CUBN: variants seen among roughly 807,000 people sequenced by gnomAD.
The protein encoded by CUBN is cubilin.
Under a neutral mutation model 405.3 loss-of-function variants are expected in CUBN, and 282 were observed. The observed-to-expected ratio is 0.70, with a 90% CI of 0.63 to 0.77. The LOEUF (loss-of-function observed/expected upper bound fraction) is 0.77. Ranked by LOEUF, CUBN falls within the 30% of genes least tolerant of loss-of-function variation. The pLI is 0.00. For missense variants in CUBN, 4,514 were observed against 4,475.2 expected, an observed-to-expected ratio of 1.01 and a Z score of -0.25; for synonymous variants, 1,684 against 1,617.0, an observed-to-expected ratio of 1.04 and a Z score of -0.99.
intron 34 of CUBN, 39 bp downstream of exon 34, chr10:16,949,962 G>T (rs1842884993): frequency 6.9e-7 from 1 of 1,451,562 alleles, no homozygotes; most frequent in Non-Finnish European, 9.7e-7. Flanking sequence ...ATAAAGCACA[G>T]CCAAGACCAC....
intron 57 of CUBN, 133 bp from the exon 58 acceptor site, chr10:16,874,636 A>G (rs1840449910): frequency 1.9e-6 from 2 of 1,059,886 alleles, no homozygotes; most frequent in Non-Finnish European, 2.8e-6. Context: ...AAAGTGACTT[A>G]TATCTCCCTT....
intron 59 of CUBN, among the ~76,000 whole-genome samples, chr10:16,863,219 G>C (rs1444003840): frequency 2.0e-5 from 3 of 152,110 alleles, no homozygotes; most frequent in South Asian, 2.1e-4. Flanking sequence ...TTGTCTTTAG[G>C]ATCATCCCCC....
At chr10:17,100,911 A>G (rs1411425368) in intron 13 of CUBN, among the ~76,000 whole-genome samples, 1 of 152,230 alleles carries the variant, frequency 6.6e-6, no homozygotes, top group Non-Finnish European at 1.5e-5. Flanking sequence ...GCATACAAGT[A>G]GAAGAGAATA....
At chr10:17,005,813 T>A (rs1428982270) in intron 28 of CUBN, among the ~76,000 whole-genome samples, 1 of 152,190 alleles carries the variant, frequency 6.6e-6, no homozygotes, top group Non-Finnish European at 1.5e-5. Flanking sequence ...AAAATTCATA[T>A]GTTGAAGTTC....
At chr10:16,928,519 A>ACCC (rs1564428886) in intron 40 of CUBN, among the ~76,000 whole-genome samples, 1 of 84,046 alleles carries the variant, frequency 1.2e-5, no homozygotes, top group African/African-American at 4.4e-5. Flanking sequence ...CCCCCACCCC[A>ACCC]CCCCACCCCC....
At chr10:17,000,956 G>C (rs564130140) in intron 28 of CUBN, among the ~76,000 whole-genome samples, 24 of 152,322 alleles carry the variant, frequency 1.6e-4, no homozygotes, top group Admixed American at 5.9e-4. Context: ...AACAGTGAGT[G>C]TTACAGTTCT....
chr10:17,092,499 G>T (rs1367709393), intron 14 of CUBN, among the ~76,000 whole-genome samples: 2 of 152,108 alleles, frequency 1.3e-5, no homozygotes, highest in Non-Finnish European at 2.9e-5. Context: ...CAAGATACAG[G>T]TCGCAAAGAC....
chr10:16,908,872 C>CTTTTT lies in CUBN; in HGVS notation c.7534-1198_7534-1194dup, dbSNP rs35736503. Among the ~76,000 whole-genome samples the CTTTTT allele has an allele frequency of 1.0e-4, 12 of 115,406 alleles. 1 individual carries two copies. The highest frequency in any genetic ancestry group is 1.2e-4 in the Non-Finnish European group (7 of 57,456). The allele number at this position is 115,406 out of a possible 152,430, so 75.7% of individuals were successfully genotyped here. On this transcript the variant is annotated intron_variant, in intron 48 of 66. Coordinates refer to ENST00000377833, the MANE Select transcript of CUBN (RefSeq NM_001081.4). ...CACTCCACAACAAAAGATGTCATCT[C>CTTTTT]TTTTTTTTTTTTTTTTTTTTTGAGA...
chr10:17,058,415 G>A (rs1434505988), intron 22 of CUBN, among the ~76,000 whole-genome samples: 1 of 151,980 alleles, frequency 6.6e-6, no homozygotes, highest in Non-Finnish European at 1.5e-5. Flanking sequence ...TGAAAGTTCT[G>A]TGCACAGACA....
chr10:16,859,837 A>G (rs1164226241), intron 59 of CUBN, among the ~76,000 whole-genome samples: 1 of 152,212 alleles, frequency 6.6e-6, no homozygotes, highest in Non-Finnish European at 1.5e-5. Context: ...ATAAAACAAT[A>G]AAAATGTTTT....
At chr10:17,111,168 G>A in intron 8 of CUBN, 118 bp from the exon 9 acceptor site, 1 of 1,194,734 alleles carries the variant, frequency 8.4e-7, no homozygotes, top group Non-Finnish European at 1.2e-6. Context: ...ATAAAAATGA[G>A]ATATGCTTAT....
intron 28 of CUBN, among the ~76,000 whole-genome samples, chr10:17,019,169 G>C (rs1033238649): frequency 3.3e-5 from 5 of 152,176 alleles, no homozygotes; most frequent in African/African-American, 1.2e-4. Flanking sequence ...TCCACTTGCA[G>C]ATTGGCCCAC....
intron 28 of CUBN, among the ~76,000 whole-genome samples, chr10:17,012,887 G>A (rs1834222789): frequency 6.6e-6 from 1 of 152,150 alleles, no homozygotes; most frequent in Admixed American, 6.5e-5. Context: ...ATCCTGTCCT[G>A]AAGGGAGCTC....
intron 65 of CUBN, among the ~76,000 whole-genome samples, chr10:16,829,711 A>T (rs1367452829): frequency 1.3e-5 from 2 of 152,200 alleles, no homozygotes; most frequent in Non-Finnish European, 2.9e-5. Flanking sequence ...GCTGGCTGGC[A>T]TAGTTACAGA....
chr10:16,941,347 C>T (rs1842645665), intron 36 of CUBN, among the ~76,000 whole-genome samples: 1 of 152,066 alleles, frequency 6.6e-6, no homozygotes, highest in South Asian at 2.1e-4. Context: ...TATCTTCGTA[C>T]ACAGAAACTA....
chr10:17,072,552 T>C (rs922819124), intron 17 of CUBN, among the ~76,000 whole-genome samples: 5 of 152,038 alleles, frequency 3.3e-5, no homozygotes, highest in African/African-American at 9.7e-5. Flanking sequence ...CCCAGCTCTA[T>C]GTACAATTTT....
At position 16,937,715 on chromosome 10, in the gene CUBN, T is replaced by C. The variant is rs41289305; in HGVS notation, c.5803A>G (p.Ser1935Gly). 0.18 allele frequency: 291,470 copies of C among 1,613,700 alleles called. 28,578 individuals are homozygous for C. The highest frequency in any genetic ancestry group is 0.2 in the Non-Finnish European group (240,052 of 1,179,696). ...AYCGTQTESF[S>G]STGNSLTFHF... ...AATGTCAAAGAATTTCCAGTGGAGC[T>C]GAAAGATTCAGTCTGGGTACCACAG... The change falls in exon 39 of 67, where the codon AGC becomes GGC. Residue 1935 changes from serine to glycine, a missense_variant. Transcript: ENST00000377833.
chr10:16,900,845 T>C lies in CUBN; in HGVS notation c.8190A>G (p.Thr2730=), dbSNP rs751866513. The change falls in exon 53 of 67, where the codon ACA becomes ACG. Residue 2730 remains threonine (T), a synonymous_variant. Coordinates refer to ENST00000377833, the MANE Select transcript of CUBN (RefSeq NM_001081.4). ...EAPQGHTITL[T]FSDFDIEPHT... is the part of the protein sequence containing the mutation. ...GGGGTTCAATATCAAAGTCACTAAA[T>C]GTGAGCTGCAGGAGAAAAAAGAAAA... The C allele has an allele frequency of 6.2e-7, 1 of 1,611,148 alleles. No homozygotes were observed. Among genetic ancestry groups the C allele is most frequent in the Non-Finnish European group, 8.5e-7 (1 of 1,177,952 alleles).
chr10:16,877,081 C>G lies in CUBN; in HGVS notation c.8922G>C (p.Thr2974=). 6.2e-7 allele frequency: 1 copy of G among 1,613,624 alleles called. No homozygotes were observed. Among genetic ancestry groups the G allele is most frequent in the Non-Finnish European group, 8.5e-7 (1 of 1,179,844 alleles). The change falls in exon 57 of 67, where the codon ACG becomes ACC. Residue 2974 remains threonine (T), a synonymous_variant. Coordinates refer to ENST00000377833, the MANE Select transcript of CUBN (RefSeq NM_001081.4). ...SFHLEARSAV[T]GSCVNDGVHI... ...GCACGCCATCGTTGACACAGCTTCC[C>G]GTCACAGCGGAACGAGCTGGAAAAG... is the stretch of plus-strand genomic sequence containing the variant.
Sources: allele counts gnomAD v4.1 joint callset (sites outside exome capture counted in the v4.1 genomes callset), GRCh38; gene constraint gnomAD v4.1.1; transcripts MANE v1.5; gene names NCBI Gene and HGNC (gene_info 2026-07-23, HGNC 2026-07-21).